Variants in SND1 observed in about 807,000 individuals in gnomAD.
SND1 encodes the protein staphylococcal nuclease and tudor domain containing 1, also known as staphylococcal nuclease domain-containing protein 1.
In SND1, 38 loss-of-function variants were observed where a neutral mutation model predicts 121.7. The observed-to-expected ratio is 0.31, with a 90% CI of 0.24 to 0.41. SND1 has a LOEUF of 0.41. Ranked by LOEUF, SND1 falls within the 10% of genes least tolerant of loss-of-function variation. SND1 has a pLI of 1.00. For missense variants in SND1, 868 were observed against 1,184.6 expected, an observed-to-expected ratio of 0.73 and a Z score of 3.92; for synonymous variants, 401 against 447.4, an observed-to-expected ratio of 0.90 and a Z score of 1.31.
chr7:127,940,294 A>C (rs1038075244), intron 15 of SND1, among the ~76,000 whole-genome samples: 1 of 152,070 alleles, frequency 6.6e-6, no homozygotes, highest in Non-Finnish European at 1.5e-5. Context: ...AGAGGAATAC[A>C]TTTCAGTGTA....
At chr7:127,774,160 C>T (rs1043565163) in intron 10 of SND1, among the ~76,000 whole-genome samples, 7 of 152,134 alleles carry the variant, frequency 4.6e-5, no homozygotes, top group Admixed American at 2.0e-4. Flanking sequence ...GAGATGACAG[C>T]TCCATGTGTG....
At chr7:127,806,262 A>C (rs1257008224) in intron 10 of SND1, among the ~76,000 whole-genome samples, 2 of 152,030 alleles carry the variant, frequency 1.3e-5, no homozygotes, top group East Asian at 3.9e-4. Flanking sequence ...CCCTTTCTAC[A>C]CCATTGTCAG....
intron 16 of SND1, among the ~76,000 whole-genome samples, chr7:128,056,864 A>G (rs1793151886): frequency 1.3e-5 from 2 of 152,214 alleles, no homozygotes; most frequent in South Asian, 4.1e-4. Context: ...AATTATAACA[A>G]TATGCCAGCA....
At chr7:127,911,562 C>T (rs1226193129) in intron 14 of SND1, among the ~76,000 whole-genome samples, 3 of 152,064 alleles carry the variant, frequency 2.0e-5, no homozygotes, top group African/African-American at 7.2e-5. Flanking sequence ...CCCTCTGTTG[C>T]CCAGGCTGGA....
At chr7:128,054,968 T>C (rs1277854276) in intron 16 of SND1, among the ~76,000 whole-genome samples, 2 of 152,244 alleles carry the variant, frequency 1.3e-5, no homozygotes, top group African/African-American at 4.8e-5. Context: ...ATAAGATGGA[T>C]GTCTGCAGTG....
At chr7:128,058,924 A>G (rs1418804871) in intron 16 of SND1, among the ~76,000 whole-genome samples, 1 of 151,688 alleles carries the variant, frequency 6.6e-6, no homozygotes, top group Non-Finnish European at 1.5e-5. Flanking sequence ...CCCCTTGCCC[A>G]TCCTTCAAGT....
chr7:127,655,551 C>T (rs1587571128), intron 1 of SND1, among the ~76,000 whole-genome samples: 2 of 152,342 alleles, frequency 1.3e-5, no homozygotes, highest in Admixed American at 1.3e-4. Context: ...TGGGATGAGA[C>T]TAGCAAGTAT....
chr7:127,881,662 A>T (rs774937039), intron 12 of SND1, among the ~76,000 whole-genome samples: 3 of 152,168 alleles, frequency 2.0e-5, no homozygotes, highest in Non-Finnish European at 2.9e-5. Context: ...TGGTTCTCTC[A>T]TTGAAAAGCT....
intron 15 of SND1, among the ~76,000 whole-genome samples, chr7:127,974,155 G>A (rs1463080366): frequency 6.6e-6 from 1 of 152,212 alleles, no homozygotes; most frequent in Admixed American, 6.5e-5. Flanking sequence ...GAGTTATTTT[G>A]AGACCCCAGG....
In SND1 at chr7:127,721,378, G is replaced by A; in HGVS notation, c.1130G>A (p.Arg377Lys). 6.2e-7 allele frequency: 1 copy of A among 1,611,190 alleles called. No homozygotes were observed. Among genetic ancestry groups the A allele is most frequent in the Non-Finnish European group, 8.5e-7 (1 of 1,178,750 alleles). Reference protein sequence around the residue: ...TIHLSSIRPPRLEGENTQDKN... With the variant: ...TIHLSSIRPPKLEGENTQDKN... ...CACCTGTCCAGCATCCGACCACCGA[G>A]GCTGGAGGGGGAGAACACCCAGGTG... The change falls in exon 10 of 24, where the codon AGG (arginine) becomes AAG (lysine). Residue 377 changes from arginine (R) to lysine (K), a missense_variant. Physicochemically the swap from Arg to Lys is conservative, Grantham distance 26. Coordinates refer to ENST00000354725, the MANE Select transcript of SND1 (RefSeq NM_014390.4).
At chr7:127,763,637 T>C (rs1288390731) in intron 10 of SND1, among the ~76,000 whole-genome samples, 2 of 152,172 alleles carry the variant, frequency 1.3e-5, no homozygotes, top group Non-Finnish European at 2.9e-5. Context: ...ATTGATTTAT[T>C]GATAATTGAC....
At chr7:127,995,848 G>A (rs1563082532) in intron 16 of SND1, among the ~76,000 whole-genome samples, 1 of 152,206 alleles carries the variant, frequency 6.6e-6, no homozygotes, top group Non-Finnish European at 1.5e-5. Context: ...GCTGTAGGAG[G>A]TACAGTTTCT....
chr7:127,712,283 C>T (rs892867124), intron 9 of SND1, among the ~76,000 whole-genome samples: 6 of 152,080 alleles, frequency 3.9e-5, no homozygotes, highest in African/African-American at 7.2e-5. Flanking sequence ...CTCAGCCTCC[C>T]GAATAGCTGG....
chr7:127,775,239 C>CT (rs1464277373), intron 10 of SND1, among the ~76,000 whole-genome samples: 1 of 152,128 alleles, frequency 6.6e-6, no homozygotes, highest in Non-Finnish European at 1.5e-5. Flanking sequence ...ATCTTAATCT[C>CT]TGACTTCTGG....
chr7:127,928,252 A>G (rs1800885119), intron 14 of SND1: 4 of 152,132 alleles, frequency 2.6e-5, no homozygotes, highest in Admixed American at 2.6e-4. Flanking sequence ...GCTGACATGA[A>G]GTAGTATTTG....
intron 11 of SND1, among the ~76,000 whole-genome samples, chr7:127,821,568 T>G (rs2116605791): frequency 6.6e-6 from 1 of 152,360 alleles, no homozygotes; most frequent in East Asian, 1.9e-4. Flanking sequence ...TGGGATGATT[T>G]CTGTGGTCAG....
intron 16 of SND1, among the ~76,000 whole-genome samples, chr7:128,003,350 AG>A (rs1207442750): frequency 6.6e-6 from 1 of 152,218 alleles, no homozygotes; most frequent in Non-Finnish European, 1.5e-5. Flanking sequence ...GAATGAAAGA[AG>A]GAACTGGAAA....
At chr7:127,891,542 A>G (rs1012546137) in intron 13 of SND1, among the ~76,000 whole-genome samples, 3 of 151,970 alleles carry the variant, frequency 2.0e-5, no homozygotes, top group Non-Finnish European at 1.5e-5. Flanking sequence ...ATCTGAGTTT[A>G]GGGTTGTTTT....
chr7:128,055,099 G>A (rs952579399), intron 16 of SND1, among the ~76,000 whole-genome samples: 2 of 152,252 alleles, frequency 1.3e-5, no homozygotes, highest in African/African-American at 2.4e-5. Flanking sequence ...TATAAACTTC[G>A]TGGTTTTGTT....
Sources: allele counts gnomAD v4.1 joint callset (sites outside exome capture counted in the v4.1 genomes callset), GRCh38; gene constraint gnomAD v4.1.1; transcripts MANE v1.5; gene names NCBI Gene and HGNC (gene_info 2026-07-23, HGNC 2026-07-21).